The following SH3BGR variants were observed in gnomAD, a reference collection of about 807,000 sequenced individuals.
SH3BGR encodes SH3 domain binding glutamate rich protein.
Under a neutral mutation model 24.5 loss-of-function variants are expected in SH3BGR, and 29 were observed. That is an observed-to-expected ratio of 1.18 (90% CI 0.88 to 1.61). SH3BGR has a LOEUF of 1.61. SH3BGR is among the 40% of genes most tolerant of loss of function. The pLI, the probability that SH3BGR is intolerant of heterozygous loss-of-function variation, is 0.00. For missense variants in SH3BGR, 162 were observed against 205.8 expected (o/e 0.79, Z 1.30); for synonymous variants, 55 against 65.7 (o/e 0.84, Z 0.79).
chr21:39,450,038 A>G (rs1602054018), upstream of SH3BGR, among the ~76,000 whole-genome samples: 1 of 152,238 alleles, frequency 6.6e-6, no homozygotes, highest in East Asian at 1.9e-4. Flanking sequence ...GAATCCAGCT[A>G]TAGTTTATGC....
intron 4 of SH3BGR, among the ~76,000 whole-genome samples, chr21:39,502,113 C>T (rs141212483): frequency 0.034 from 5,152 of 152,254 alleles, 91 homozygotes; most frequent in Middle Eastern, 0.071. Context: ...GCAGAGTTTG[C>T]AGTGAGCTGA....
intron 6 of SH3BGR, among the ~76,000 whole-genome samples, chr21:39,512,673 T>C (rs2123576061): frequency 6.6e-6 from 1 of 152,246 alleles, no homozygotes; most frequent in Non-Finnish European, 1.5e-5. Flanking sequence ...ATGCCTGCGG[T>C]CCCAGCTACT....
chr21:39,515,245 TA>T lies in SH3BGR; in HGVS notation c.*195del. On this transcript the variant is annotated 3_prime_UTR_variant, in exon 7 of 7. Coordinates refer to ENST00000333634, the MANE Select transcript of SH3BGR (RefSeq NM_007341.3). Reference sequence around the variant, plus strand: ...AGGTATCTCCCGAATCATACAAAATTAAATGTGAAGACCGTTTATGCATACC... The same window carrying T: ...AGGTATCTCCCGAATCATACAAAATTAATGTGAAGACCGTTTATGCATACC... 2.6e-6 allele frequency: 1 copy of T among 388,540 alleles called. No individual in the cohort carries two copies. Among genetic ancestry groups the T allele is most frequent in the Non-Finnish European group, 5.3e-6 (1 of 188,594 alleles). The allele number at this position is 388,540 out of a possible 1,614,324, so 24.1% of individuals were successfully genotyped here. A position where few individuals can be genotyped will look rare whatever the true frequency, so the allele number is the denominator to read the frequency against.
chr21:39,509,155 A>T, intron 5 of SH3BGR, 128 bp downstream of exon 5: 1 of 659,384 alleles, frequency 1.5e-6, no homozygotes, highest in Admixed American at 3.0e-5. Context: ...ACACCCAGAA[A>T]ATCCTCCTTT....
chr21:39,506,585 G>A (rs968514486), intron 4 of SH3BGR, among the ~76,000 whole-genome samples: 1 of 152,164 alleles, frequency 6.6e-6, no homozygotes, highest in Non-Finnish European at 1.5e-5. Context: ...CTTACATGGT[G>A]GCAAACAAGA....
At chr21:39,491,779 G>T in intron 3 of SH3BGR, 1 of 218,086 alleles carries the variant, frequency 4.6e-6, no homozygotes, top group South Asian at 8.1e-5. Flanking sequence ...TGTTTCAAAT[G>T]ACAAATTTCT....
At chr21:39,513,838 G>T (rs2123582960) in intron 6 of SH3BGR, among the ~76,000 whole-genome samples, 1 of 152,202 alleles carries the variant, frequency 6.6e-6, no homozygotes, top group South Asian at 2.1e-4. Context: ...ATCCATGTCT[G>T]TTCACTCAGC....
At chr21:39,457,695 G>T (rs1337326818) in intron 1 of SH3BGR, among the ~76,000 whole-genome samples, 2 of 151,908 alleles carry the variant, frequency 1.3e-5, no homozygotes, top group African/African-American at 4.8e-5. Flanking sequence ...ACTTTAGGAG[G>T]CTGAGGCAGG....
chr21:39,477,568 C>T (rs1224402262), intron 3 of SH3BGR, among the ~76,000 whole-genome samples: 4 of 152,132 alleles, frequency 2.6e-5, no homozygotes, highest in East Asian at 1.9e-4. Flanking sequence ...GATAAATTCC[C>T]GGTAGCTCTT....
Position 39,511,613 on chromosome 21 carries a change from G to GCTGTA in SH3BGR, c.436-67_436-66insCTGTA. 1 of 1,542,114 alleles carries GCTGTA rather than the reference G, an allele frequency of 6.5e-7. No individual in the cohort carries two copies. The highest frequency in any genetic ancestry group is 8.8e-7 in the Non-Finnish European group (1 of 1,136,392). ...TTGACCTCTAGTCCAGCATTTTACA[G>GCTGTA]TCTTTTTCTCACTGTATCCTTGGCC... On this transcript the variant is annotated intron_variant, in intron 5 of 6. Coordinates refer to ENST00000333634, the MANE Select transcript of SH3BGR (RefSeq NM_007341.3). The surrounding 1 kb of genome is among the most constrained non-coding windows in gnomAD (Gnocchi z 4.2).
At position 39,511,813 on chromosome 21, in the gene SH3BGR, G is replaced by A; in HGVS notation, c.*34+4G>A. On this transcript the variant is annotated splice_donor_region_variant and intron_variant, in intron 6 of 6. Coordinates refer to ENST00000333634, the MANE Select transcript of SH3BGR (RefSeq NM_007341.3). The surrounding 1 kb of genome is among the most constrained non-coding windows in gnomAD (Gnocchi z 4.2). ...TTCATTTCTTCCACTTCTCCAGGTA[G>A]CTACAGGATTCTGGGGTGGAAAAGC... is the stretch of plus-strand genomic sequence containing the variant. The A allele has an allele frequency of 2.5e-6, 4 of 1,602,574 alleles. No homozygotes were observed. Among genetic ancestry groups the A allele is most frequent in the Non-Finnish European group, 3.4e-6 (4 of 1,175,864 alleles).
intron 2 of SH3BGR, among the ~76,000 whole-genome samples, chr21:39,465,389 T>C (rs2077824040): frequency 6.6e-6 from 1 of 152,240 alleles, no homozygotes. Context: ...GTTTTCATCT[T>C]GCACTGGCTC....
chr21:39,491,612 C>T (rs965323871), intron 3 of SH3BGR: 6 of 233,772 alleles, frequency 2.6e-5, no homozygotes, highest in Admixed American at 2.5e-4. Context: ...GGTGTTCGGT[C>T]CTTGCAAGCT....
rs767230662 is a variant in SH3BGR at position 39,462,446 on chromosome 21, T to G, written c.117T>G (p.Ile39Met). The change falls in exon 2 of 7, where the codon ATT becomes ATG. Residue 39 changes from isoleucine to methionine, a missense_variant. Transcript: ENST00000333634. ...ANKIDFKELD[I>M]AGDEDNRRWM... Reference sequence around the variant, plus strand: ...AAATCGACTTTAAGGAATTAGATATTGCTGGAGATGAAGACAACAGGAGGT... The same window carrying G: ...AAATCGACTTTAAGGAATTAGATATGGCTGGAGATGAAGACAACAGGAGGT... The G allele has an allele frequency of 1.2e-6, 2 of 1,609,598 alleles. No homozygotes were observed. The highest frequency in any genetic ancestry group is 2.7e-5 in the African/African-American group (2 of 74,626).
chr21:39,478,225 T>C (rs2078060437), intron 3 of SH3BGR, among the ~76,000 whole-genome samples: 1 of 152,224 alleles, frequency 6.6e-6, no homozygotes, highest in African/African-American at 2.4e-5. Context: ...AAAAAAACAG[T>C]CCTGCTAAAC....
rs560071613 is a variant in SH3BGR at position 39,509,471 on chromosome 21, G to GTTT, written c.435+463_435+465dup. Among the ~76,000 whole-genome samples, 95 of 103,908 alleles carry GTTT rather than the reference G, an allele frequency of 9.1e-4. 2 individuals carry two copies. Among genetic ancestry groups the GTTT allele is most frequent in the Middle Eastern group, 6.3e-3 (1 of 160 alleles). 68.2% of individuals were successfully genotyped at this position (103,908 alleles called of 152,430 possible). A position where few individuals can be genotyped will look rare whatever the true frequency, so the allele number is the denominator to read the frequency against. ...CATCTTTGAATTAATCACTTTTATT[G>GTTT]TTTTTTTTTTTTTTTTTTTTTGAGA... On this transcript the variant is annotated intron_variant, in intron 5 of 6. Transcript: ENST00000333634.
chr21:39,458,847 A>G (rs1452328749), intron 1 of SH3BGR, among the ~76,000 whole-genome samples: 3 of 151,816 alleles, frequency 2.0e-5, no homozygotes, highest in Non-Finnish European at 2.9e-5. Context: ...AGGTTTTACC[A>G]TGTTGGCCAG....
At chr21:39,456,158 A>C (rs1248641673) in intron 1 of SH3BGR, among the ~76,000 whole-genome samples, 1 of 152,230 alleles carries the variant, frequency 6.6e-6, no homozygotes, top group Non-Finnish European at 1.5e-5. Context: ...TGGTTGATAG[A>C]AATAATGTTG....
intron 3 of SH3BGR, among the ~76,000 whole-genome samples, chr21:39,475,855 A>T (rs2078019302): frequency 6.6e-6 from 1 of 152,234 alleles, no homozygotes; most frequent in African/African-American, 2.4e-5. Context: ...GAATGTGGAT[A>T]GGGATGGATT....
Sources: gnomAD v4.1 joint callset for allele counts (sites outside exome capture counted in the v4.1 genomes callset) on GRCh38, gnomAD v4.1.1 for gene constraint, Gnocchi (gnomAD v3.1) non-coding constraint, MANE v1.5 for transcripts, NCBI Gene and HGNC (gene_info 2026-07-23, HGNC 2026-07-21) for gene names.